The following SAMD4A variants were observed in gnomAD, a reference collection of about 807,000 sequenced individuals.
SAMD4A encodes sterile alpha motif domain containing 4A, also known as protein Smaug homolog 1.
Under a neutral mutation model 81.3 loss-of-function variants are expected in SAMD4A, and 33 were observed. The ratio of observed to expected loss-of-function variants is 0.41; its 90% CI spans 0.31 to 0.54. SAMD4A has a LOEUF of 0.54. SAMD4A is among the 20% of genes least tolerant of loss of function. SAMD4A has a pLI of 0.37. For missense variants in SAMD4A, 854 were observed against 951.1 expected (o/e 0.90, Z 1.34); for synonymous variants, 389 against 382.1 (o/e 1.02, Z -0.21).
intron 2 of SAMD4A, among the ~76,000 whole-genome samples, chr14:54,648,958 T>C (rs956659555): frequency 6.6e-6 from 1 of 152,124 alleles, no homozygotes; most frequent in Admixed American, 6.6e-5. Flanking sequence ...GGTTGGATTC[T>C]GGATAAATTG....
At chr14:54,632,539 T>TC (rs1364765967) in intron 2 of SAMD4A, among the ~76,000 whole-genome samples, 1 of 152,148 alleles carries the variant, frequency 6.6e-6, no homozygotes, top group Non-Finnish European at 1.5e-5. Context: ...ACCCCAAAAC[T>TC]CCAACAGGTT....
chr14:54,724,614 A>C (rs1376496260), intron 3 of SAMD4A, among the ~76,000 whole-genome samples: 1 of 152,158 alleles, frequency 6.6e-6, no homozygotes, highest in Non-Finnish European at 1.5e-5. Flanking sequence ...ATTTGGGAAA[A>C]CAGCAGTACA....
At chr14:54,730,830 A>G (rs1045217775) in intron 3 of SAMD4A, among the ~76,000 whole-genome samples, 1 of 152,206 alleles carries the variant, frequency 6.6e-6, no homozygotes, top group African/African-American at 2.4e-5. Context: ...TTCTTGAAGT[A>G]CTATTAATCT....
Position 54,642,926 on chromosome 14 carries a change from G to C in SAMD4A, c.197-59136G>C, listed in dbSNP as rs538891648. 8.3e-4 allele frequency among the ~76,000 whole-genome samples: 127 copies of C among 152,302 alleles called. 1 individual carries two copies. The highest frequency in any genetic ancestry group is 2.9e-3 in the African/African-American group (120 of 41,548). On this transcript the variant is annotated intron_variant, in intron 2 of 12. Transcript: ENST00000554335. ...TGGATGACAGAGAGCTCAGCAGTGA[G>C]CCCAATATGTGGGGTAATGGTGCTT...
intron 12 of SAMD4A, among the ~76,000 whole-genome samples, chr14:54,785,907 TC>T (rs1378285422): frequency 6.6e-6 from 1 of 152,058 alleles, no homozygotes; most frequent in Non-Finnish European, 1.5e-5. Flanking sequence ...TTCTGTGACT[TC>T]CCCCAGAGCT....
At chr14:54,725,075 C>T (rs909745221) in intron 3 of SAMD4A, among the ~76,000 whole-genome samples, 4 of 152,130 alleles carry the variant, frequency 2.6e-5, no homozygotes, top group African/African-American at 7.2e-5. Context: ...CACAAATATC[C>T]GATGAATGAA....
intron 4 of SAMD4A, among the ~76,000 whole-genome samples, chr14:54,741,086 A>G (rs948104292): frequency 6.6e-6 from 1 of 152,164 alleles, no homozygotes; most frequent in African/African-American, 2.4e-5. Context: ...TTCTACATCC[A>G]GTTGTGTTTG....
At position 54,601,105 on chromosome 14, in the gene SAMD4A, G is replaced by T. The variant is rs1440532354; in HGVS notation, c.196+32993G>T. Among the ~76,000 whole-genome samples the T allele has an allele frequency of 2.0e-5, 3 of 152,242 alleles. No homozygotes were observed. The East Asian group carries it at 5.8e-4, about 29-fold the overall frequency. On this transcript the variant is annotated intron_variant, in intron 2 of 12. Coordinates refer to ENST00000554335, the MANE Select transcript of SAMD4A (RefSeq NM_015589.6). ...TCTTCGAGCTCAGCAGTAGAAAATG[G>T]ATGGTCCCTCCTGACGAATCCATCT... is the stretch of plus-strand genomic sequence containing the variant.
At chr14:54,724,007 TGGAAGGAAGGAAGGAAGGAA>T (rs753453738) in intron 3 of SAMD4A, among the ~76,000 whole-genome samples, 25 of 124,176 alleles carry the variant, frequency 2.0e-4, no homozygotes, top group African/African-American at 6.6e-4. Flanking sequence ...GATGGATGGA[TGGAAGGAAGGAAGGAAGGAA>T]GGAAGGAAGG....
rs769193366 is a variant in SAMD4A at position 54,678,433 on chromosome 14, T to TTG, written c.197-23547_197-23546dup. Among the ~76,000 whole-genome samples the TTG allele has an allele frequency of 8.0e-3, 649 of 81,082 alleles. 24 individuals carry two copies. The highest frequency in any genetic ancestry group is 9.2e-3 in the Non-Finnish European group (418 of 45,406). The allele number at this position is 81,082 out of a possible 152,430, so 53.2% of individuals were successfully genotyped here. A position where few individuals can be genotyped will look rare whatever the true frequency, so the allele number is the denominator to read the frequency against. On this transcript the variant is annotated intron_variant, in intron 2 of 12. Transcript: ENST00000554335. Reference sequence around the variant, plus strand: ...GTGTCGTATTTTGGGCAGTCACCATTTGTGTGTGTGTGTGTGTGTGTGTGT... The same window carrying TTG: ...GTGTCGTATTTTGGGCAGTCACCATTTGTGTGTGTGTGTGTGTGTGTGTGTGT...
At chr14:54,707,014 G>C (rs1364015271) in intron 3 of SAMD4A, among the ~76,000 whole-genome samples, 1 of 152,092 alleles carries the variant, frequency 6.6e-6, no homozygotes, top group Non-Finnish European at 1.5e-5. Flanking sequence ...CATTAGGATA[G>C]GAGCACGTAT....
At chr14:54,662,820 C>T (rs2035673297) in intron 2 of SAMD4A, among the ~76,000 whole-genome samples, 1 of 152,116 alleles carries the variant, frequency 6.6e-6, no homozygotes, top group South Asian at 2.1e-4. Context: ...CCCTGCGATT[C>T]CTACACGGTC....
chr14:54,716,780 C>A (rs1205819414), intron 3 of SAMD4A, among the ~76,000 whole-genome samples: 2 of 152,088 alleles, frequency 1.3e-5, no homozygotes, highest in Non-Finnish European at 2.9e-5. Flanking sequence ...ATTAAGTATT[C>A]ATGTTTTTTT....
At chr14:54,717,529 C>T (rs2037149365) in intron 3 of SAMD4A, among the ~76,000 whole-genome samples, 1 of 151,972 alleles carries the variant, frequency 6.6e-6, no homozygotes, top group Admixed American at 6.6e-5. Context: ...GTTAATACCC[C>T]AACACAATGT....
At chr14:54,685,699 C>G (rs570248508) in intron 2 of SAMD4A, 2 of 456,680 alleles carry the variant, frequency 4.4e-6, no homozygotes, top group Admixed American at 4.7e-5. Context: ...TGGAAAGGCT[C>G]CCCATGGTTG....
chr14:54,778,204 C>T (rs532743669), intron 11 of SAMD4A, among the ~76,000 whole-genome samples: 1 of 152,332 alleles, frequency 6.6e-6, no homozygotes, highest in East Asian at 1.9e-4. Flanking sequence ...CTCAGCCTTC[C>T]TCTTTGTTCA....
chr14:54,592,609 G>A (rs1207205457), intron 2 of SAMD4A, among the ~76,000 whole-genome samples: 2 of 152,054 alleles, frequency 1.3e-5, no homozygotes, highest in East Asian at 1.9e-4. Context: ...ACAGGTGGCC[G>A]CTACCACGCC....
chr14:54,602,797 T>TAA (rs3049831), intron 2 of SAMD4A, among the ~76,000 whole-genome samples: 107,291 of 149,240 alleles, frequency 0.72, 38,328 homozygotes, highest in Middle Eastern at 0.77. Flanking sequence ...AAAGTATAAT[T>TAA]AAAAAAAAAA....
intron 2 of SAMD4A, among the ~76,000 whole-genome samples, chr14:54,636,244 G>A (rs539793438): frequency 7.9e-5 from 12 of 152,112 alleles, no homozygotes; most frequent in African/African-American, 9.7e-5. Flanking sequence ...CACTGGGAAC[G>A]GCCATTACAA....
Sources: allele counts gnomAD v4.1 joint callset (sites outside exome capture counted in the v4.1 genomes callset), GRCh38; gene constraint gnomAD v4.1.1; transcripts MANE v1.5; gene names NCBI Gene and HGNC (gene_info 2026-07-23, HGNC 2026-07-21).